NCKAP5: variants seen among roughly 807,000 people sequenced by gnomAD.
NCKAP5 encodes the protein NCK associated protein 5.
In NCKAP5, 92 loss-of-function variants were observed where a neutral mutation model predicts 167.0. The observed-to-expected ratio is 0.55, with a 90% confidence interval of 0.47 to 0.66. NCKAP5 has a LOEUF of 0.66. Ranked by LOEUF, NCKAP5 falls within the 30% of genes least tolerant of loss-of-function variation. The pLI is 0.00. For synonymous variants in NCKAP5, 891 were observed against 877.4 expected (o/e 1.02, Z -0.27); for missense variants, 2,378 against 2,315.0 (o/e 1.03, Z -0.56).
At chr2:133,045,403 A>T (rs2079363390) in intron 6 of NCKAP5, among the ~76,000 whole-genome samples, 1 of 152,036 alleles carries the variant, frequency 6.6e-6, no homozygotes, top group South Asian at 2.1e-4. Context: ...ATACATAATT[A>T]AGAGAGACTG....
chr2:132,780,541 TC>T (rs1682945025), intron 15 of NCKAP5, among the ~76,000 whole-genome samples: 1 of 152,214 alleles, frequency 6.6e-6, no homozygotes. Flanking sequence ...AAAAAAGATT[TC>T]TTAGTCTTAA....
chr2:133,405,356 C>T (rs1028639166), intron 3 of NCKAP5, among the ~76,000 whole-genome samples: 1 of 152,198 alleles, frequency 6.6e-6, no homozygotes, highest in African/African-American at 2.4e-5. Context: ...CACATCACAG[C>T]CTTCGTGCAC....
intron 4 of NCKAP5, among the ~76,000 whole-genome samples, chr2:133,241,803 C>T (rs1042619360): frequency 6.6e-6 from 1 of 152,056 alleles, no homozygotes. Context: ...GGGTGATATG[C>T]ATGTAGGGAT....
intron 3 of NCKAP5, among the ~76,000 whole-genome samples, chr2:133,475,838 T>C (rs1039160984): frequency 2.6e-5 from 4 of 152,216 alleles, no homozygotes; most frequent in African/African-American, 9.7e-5. Context: ...TATTCTCTTA[T>C]CATAACTCCA....
At chr2:133,405,550 T>C (rs1005061016) in intron 3 of NCKAP5, among the ~76,000 whole-genome samples, 1 of 152,238 alleles carries the variant, frequency 6.6e-6, no homozygotes, top group African/African-American at 2.4e-5. Flanking sequence ...ACTGGGGACA[T>C]GTGCATGGGG....
At chr2:133,290,333 A>G (rs961699333) in intron 4 of NCKAP5, among the ~76,000 whole-genome samples, 2 of 152,248 alleles carry the variant, frequency 1.3e-5, no homozygotes, top group Admixed American at 6.5e-5. Flanking sequence ...GTGTTATTTC[A>G]AAATCATGAG....
At chr2:133,267,249 G>GA (rs370322763) in intron 4 of NCKAP5, 37 of 150,442 alleles carry the variant, frequency 2.5e-4, no homozygotes, top group South Asian at 1.1e-3. Flanking sequence ...TTCCTAGTAA[G>GA]AAAAAAAAAA....
rs371004240 is a variant in NCKAP5, at chr2:133,231,339, A to G, written c.144-17560T>C. 7.2e-5 allele frequency among the ~76,000 whole-genome samples: 11 copies of G among 152,332 alleles called. No individual in the cohort carries two copies. In the East Asian group the frequency reaches 1.4e-3, roughly 19 times the overall value. ...AGTACCTCTGTCTAGACTAAAAGAC[A>G]TGTTTAAAACCAATCAACATATTCA... On this transcript the variant is annotated intron_variant, in intron 4 of 19. Coordinates refer to ENST00000409261, the MANE Select transcript of NCKAP5 (RefSeq NM_207363.3).
chr2:133,570,495 G>A (rs1688824386), upstream of NCKAP5, among the ~76,000 whole-genome samples: 1 of 152,160 alleles, frequency 6.6e-6, no homozygotes. Flanking sequence ...GGGTTGAGAA[G>A]AGGAAGACAC....
intron 2 of NCKAP5, among the ~76,000 whole-genome samples, chr2:133,547,149 C>T (rs377041591): frequency 9.2e-5 from 14 of 152,174 alleles, no homozygotes; most frequent in South Asian, 2.1e-4. Flanking sequence ...CACTCCCACC[C>T]GAATATTGCG....
chr2:133,094,401 T>C (rs1237660987), intron 6 of NCKAP5, among the ~76,000 whole-genome samples: 1 of 152,180 alleles, frequency 6.6e-6, no homozygotes, highest in Non-Finnish European at 1.5e-5. Flanking sequence ...ATTCCTTTGT[T>C]AAATAATTAA....
At chr2:133,092,681 A>G (rs2081224335) in intron 6 of NCKAP5, among the ~76,000 whole-genome samples, 1 of 152,194 alleles carries the variant, frequency 6.6e-6, no homozygotes, top group Non-Finnish European at 1.5e-5. Context: ...AGTTCCCAAG[A>G]ACTTATCTAC....
chr2:133,132,703 GTC>G (rs903288347), intron 5 of NCKAP5, among the ~76,000 whole-genome samples: 2 of 144,936 alleles, frequency 1.4e-5, no homozygotes, highest in African/African-American at 5.2e-5. Flanking sequence ...TGGAGGCAGA[GTC>G]TCTCTCTGTC....
At chr2:132,687,684 A>C (rs1686126307) in intron 19 of NCKAP5, among the ~76,000 whole-genome samples, 1 of 150,354 alleles carries the variant, frequency 6.7e-6, no homozygotes, top group South Asian at 2.1e-4. Flanking sequence ...GTTTAAATTC[A>C]AAACTGCTAA....
chr2:132,794,253 TATATATATATAGAGAGAGAG>T (rs1478438789), intron 12 of NCKAP5, among the ~76,000 whole-genome samples: 59 of 55,124 alleles, frequency 1.1e-3, no homozygotes, highest in African/African-American at 3.8e-3. Flanking sequence ...TATATATATA[TATATATATATAGAGAGAGAG>T]AGAGAGAGAG....
At chr2:133,372,787 C>T (rs1685886520) in intron 3 of NCKAP5, among the ~76,000 whole-genome samples, 1 of 152,114 alleles carries the variant, frequency 6.6e-6, no homozygotes, top group Non-Finnish European at 1.5e-5. Flanking sequence ...ATCTGTCAAC[C>T]TTCCCATTTC....
intron 6 of NCKAP5, among the ~76,000 whole-genome samples, chr2:133,099,005 T>C (rs2081423710): frequency 6.6e-6 from 1 of 152,144 alleles, no homozygotes. Context: ...CACAGAAAAG[T>C]AATCATGTAC....
the NCKAP5 span, among the ~76,000 whole-genome samples, chr2:133,633,969 G>T: frequency 6.6e-6 from 1 of 152,186 alleles, no homozygotes; most frequent in East Asian, 1.9e-4. Flanking sequence ...TCTGAGCAAA[G>T]AATCGAGTTT....
At chr2:132,905,688 T>TAA (rs1693954854) in intron 8 of NCKAP5, among the ~76,000 whole-genome samples, 1 of 152,230 alleles carries the variant, frequency 6.6e-6, no homozygotes, top group African/African-American at 2.4e-5. Flanking sequence ...TAGTATTTTA[T>TAA]AACCTTCATT....
Sources: allele counts gnomAD v4.1 joint callset (sites outside exome capture counted in the v4.1 genomes callset), GRCh38; gene constraint gnomAD v4.1.1; transcripts MANE v1.5; gene names NCBI Gene and HGNC (gene_info 2026-07-23, HGNC 2026-07-21).